Variants in CTNNA3 observed in about 807,000 individuals in gnomAD.
CTNNA3 encodes the protein catenin alpha 3.
Under a neutral mutation model 95.7 loss-of-function variants are expected in CTNNA3, and 76 were observed. That is an observed-to-expected ratio of 0.79 (90% confidence interval 0.66 to 0.96). The LOEUF (loss-of-function observed/expected upper bound fraction) is 0.96. Among genes scored for constraint, CTNNA3 ranks in the 40% least tolerant of loss-of-function variants. CTNNA3 has a pLI of 0.00. For synonymous variants in CTNNA3, 431 were observed against 374.4 expected (o/e 1.15, Z -1.74); for missense variants, 1,191 against 1,089.8 (o/e 1.09, Z -1.31).
intron 7 of CTNNA3, among the ~76,000 whole-genome samples, chr10:66,973,873 C>A (rs1332053994): frequency 6.6e-6 from 1 of 152,192 alleles, no homozygotes; most frequent in African/African-American, 2.4e-5. Context: ...TTATCCCCCT[C>A]GGCCTCCCAA....
At chr10:67,085,981 C>T (rs556774071) in intron 7 of CTNNA3, among the ~76,000 whole-genome samples, 13 of 152,138 alleles carry the variant, frequency 8.5e-5, no homozygotes, top group African/African-American at 3.1e-4. Flanking sequence ...TCATATCCTA[C>T]ACATAATTCC....
chr10:66,478,625 C>CATT (rs1839408494), intron 11 of CTNNA3, among the ~76,000 whole-genome samples: 1 of 151,624 alleles, frequency 6.6e-6, no homozygotes, highest in South Asian at 2.1e-4. Flanking sequence ...TCCTTTAGAT[C>CATT]ATTATTAGTA....
At chr10:66,634,845 A>G (rs932050889) in intron 9 of CTNNA3, among the ~76,000 whole-genome samples, 2 of 152,166 alleles carry the variant, frequency 1.3e-5, no homozygotes. Flanking sequence ...TGCCATCACA[A>G]AAGAAGCAAT....
intron 13 of CTNNA3, among the ~76,000 whole-genome samples, chr10:66,257,749 C>A (rs2090846482): frequency 6.6e-6 from 1 of 152,176 alleles, no homozygotes; most frequent in South Asian, 2.1e-4. Context: ...TGCACCCATG[C>A]AACTGACCTT....
chr10:67,554,765 C>T (rs1841171229), intron 3 of CTNNA3, among the ~76,000 whole-genome samples: 1 of 152,152 alleles, frequency 6.6e-6, no homozygotes, highest in Admixed American at 6.5e-5. Context: ...TTAATTAGAT[C>T]CCATTTGTCA....
At chr10:66,811,247 G>T (rs1024484241) in intron 7 of CTNNA3, among the ~76,000 whole-genome samples, 1 of 152,178 alleles carries the variant, frequency 6.6e-6, no homozygotes, top group African/African-American at 2.4e-5. Context: ...GGGCACATAA[G>T]ATTTTCAAGA....
chr10:67,154,440 G>A (rs1861211206), intron 7 of CTNNA3, among the ~76,000 whole-genome samples: 1 of 152,112 alleles, frequency 6.6e-6, no homozygotes, highest in South Asian at 2.1e-4. Flanking sequence ...ACCTATGTGA[G>A]GGCTGTATTT....
chr10:66,983,254 C>T (rs1015287030), intron 7 of CTNNA3, among the ~76,000 whole-genome samples: 5 of 152,062 alleles, frequency 3.3e-5, no homozygotes, highest in Non-Finnish European at 7.4e-5. Context: ...CCATCCTAGC[C>T]CCCTCCCAGC....
chr10:66,237,791 A>T (rs955246791), intron 13 of CTNNA3, among the ~76,000 whole-genome samples: 1 of 152,132 alleles, frequency 6.6e-6, no homozygotes, highest in Non-Finnish European at 1.5e-5. Flanking sequence ...TATTAACTAA[A>T]TTTAAAATTC....
At chr10:66,818,807 A>T (rs7100229) in intron 7 of CTNNA3, among the ~76,000 whole-genome samples, 87,275 of 151,788 alleles carry the variant, frequency 0.57, 25,251 homozygotes, top group Admixed American at 0.62. Flanking sequence ...CAAGACAATC[A>T]TAGAAAAAAG....
In CTNNA3 at chr10:67,529,155, C is replaced by T. The variant is rs1049626297; in HGVS notation, c.460-7194G>A. ...ATAAATATATATAATTTTTACTTGT[C>T]AAAATAGGGGGATATAGAAGGGATG... On this transcript the variant is annotated intron_variant, in intron 4 of 17. Coordinates refer to ENST00000433211, the MANE Select transcript of CTNNA3 (RefSeq NM_013266.4). Among the ~76,000 whole-genome samples the T allele has an allele frequency of 5.9e-5, 9 of 151,424 alleles. No individual in the cohort carries two copies. In the East Asian group the frequency reaches 1.6e-3, roughly 26 times the overall value.
chr10:66,698,927 G>C (rs1847853993), intron 9 of CTNNA3, among the ~76,000 whole-genome samples: 1 of 152,106 alleles, frequency 6.6e-6, no homozygotes, highest in South Asian at 2.1e-4. Flanking sequence ...TATTCTACCG[G>C]ATCATTTAAA....
chr10:67,655,914 G>A (rs975180660), intron 1 of CTNNA3, among the ~76,000 whole-genome samples: 6 of 151,724 alleles, frequency 4.0e-5, no homozygotes, highest in African/African-American at 1.2e-4. Flanking sequence ...GAAACCAGAT[G>A]TTAACTGAAA....
At chr10:66,564,570 T>G (rs2132143958) in intron 10 of CTNNA3, among the ~76,000 whole-genome samples, 1 of 152,294 alleles carries the variant, frequency 6.6e-6, no homozygotes, top group South Asian at 2.1e-4. Flanking sequence ...ATTTGTTAAG[T>G]GAGTCGACAA....
chr10:67,648,731 C>G (rs945725456), intron 1 of CTNNA3: 2 of 1,289,280 alleles, frequency 1.6e-6, no homozygotes, highest in Non-Finnish European at 2.0e-6. Flanking sequence ...CAATTTAGCC[C>G]TGTTTTACCT....
intron 11 of CTNNA3, among the ~76,000 whole-genome samples, chr10:66,494,185 G>A (rs1840027309): frequency 1.3e-5 from 2 of 152,170 alleles, no homozygotes; most frequent in African/African-American, 4.8e-5. Flanking sequence ...TGGGATTACA[G>A]GCGTGAGCCA....
At chr10:66,380,197 CTCTG>C (rs1366616305) in intron 11 of CTNNA3, among the ~76,000 whole-genome samples, 9 of 152,044 alleles carry the variant, frequency 5.9e-5, no homozygotes, top group Non-Finnish European at 1.3e-4. Flanking sequence ...GTCTGTGTCT[CTCTG>C]TCTTTCTCTT....
intron 10 of CTNNA3, among the ~76,000 whole-genome samples, chr10:66,566,579 T>C (rs1409047883): frequency 7.2e-6 from 1 of 139,516 alleles, no homozygotes; most frequent in Non-Finnish European, 1.7e-5. Flanking sequence ...TGTTTTTGAC[T>C]AGTTGACACA....
At chr10:67,656,091 T>G (rs1470407205) in intron 1 of CTNNA3, among the ~76,000 whole-genome samples, 2 of 152,212 alleles carry the variant, frequency 1.3e-5, no homozygotes, top group Non-Finnish European at 2.9e-5. Flanking sequence ...ACAATTTCTA[T>G]ACACACTGGT....
Sources: gnomAD v4.1 joint callset for allele counts (sites outside exome capture counted in the v4.1 genomes callset) on GRCh38, gnomAD v4.1.1 for gene constraint, MANE v1.5 for transcripts, NCBI Gene and HGNC (gene_info 2026-07-23, HGNC 2026-07-21) for gene names.